ACE: variants seen among roughly 807,000 people sequenced by gnomAD.
ACE encodes angiotensin-converting enzyme.
Under a neutral mutation model 162.3 loss-of-function variants are expected in ACE, and 122 were observed. That is an observed-to-expected ratio of 0.75 (90% CI 0.65 to 0.87). The LOEUF is 0.87. Among genes scored for constraint, ACE ranks in the 40% least tolerant of loss-of-function variants. The pLI is 0.00. For missense variants in ACE, 1,799 were observed against 1,735.1 expected (o/e 1.04, Z -0.65); for synonymous variants, 796 against 720.6 (o/e 1.10, Z -1.68).
intron 6 of ACE, 92 bp downstream of exon 6, chr17:63,481,280 C>A (rs538460713): frequency 1.6e-6 from 2 of 1,238,064 alleles, no homozygotes; most frequent in Admixed American, 1.9e-5. Flanking sequence ...GGGAAGGTTT[C>A]GGGTACTGAG....
rs1238903566 is a variant in ACE at position 63,477,182 on chromosome 17, T to C, written c.88T>C (p.Leu30=). 6 of 1,467,102 alleles carry C rather than the reference T, an allele frequency of 4.1e-6. No individual in the cohort carries two copies. The highest frequency in any genetic ancestry group is 6.0e-5 in the East Asian group (2 of 33,102). The allele number at this position is 1,467,102 out of a possible 1,614,324, so 90.9% of individuals were successfully genotyped here. A position where few individuals can be genotyped will look rare whatever the true frequency, so the allele number is the denominator to read the frequency against. The change falls in exon 1 of 25, where the codon TTG becomes CTG. Residue 30 remains leucine (L), a synonymous_variant. Coordinates refer to ENST00000290866, the MANE Select transcript of ACE (RefSeq NM_000789.4). ...GCTGCCGCCGCAGCCCGCCCTGGCG[T>C]TGGACCCCGGGCTGCAGCCCGGCAA... The part of the protein sequence containing the change: ...LLLPPQPALA[L]DPGLQPGNFS...
In ACE at chr17:63,485,000, G is replaced by T. The variant is rs780642247; in HGVS notation, c.1922-236G>T. On this transcript the variant is annotated intron_variant, in intron 12 of 24. Transcript: ENST00000290866. This position sits in a 1 kb window ranked among gnomAD's most constrained non-coding sequence, Gnocchi z 4.0. ...AGTCACCCATGGGACAAGCAGCCAG[G>T]CAACAACCAGCAGCCAGACAACCAC... The T allele has an allele frequency of 6.2e-7, 1 of 1,610,282 alleles. No individual in the cohort carries two copies. The highest frequency in any genetic ancestry group is 1.7e-5 in the Admixed American group (1 of 59,456).
intron 13 of ACE, chr17:63,486,355 G>T (rs1261342168): frequency 3.2e-6 from 2 of 630,614 alleles, no homozygotes; most frequent in African/African-American, 1.8e-5. Flanking sequence ...TTGCTTGACC[G>T]CAGGCATCCA....
intron 6 of ACE, 81 bp downstream of exon 6, chr17:63,481,269 C>A: frequency 7.4e-7 from 1 of 1,355,148 alleles, no homozygotes; most frequent in Non-Finnish European, 1.0e-6. Context: ...GGCACAGGGG[C>A]GGGAAGGTTT....
chr17:63,495,826 G>A (rs2030694046), intron 22 of ACE, among the ~76,000 whole-genome samples: 1 of 152,218 alleles, frequency 6.6e-6, no homozygotes, highest in Admixed American at 6.5e-5. Flanking sequence ...GGAACTAGGT[G>A]GTACATGCTT....
Position 63,477,323 on chromosome 17 carries a change from G to A in ACE, c.229G>A (p.Ala77Thr), listed in dbSNP as rs867626302. ...ASWAHDTNIT[A>T]ENARRQEEAA... ...CTGGGCGCACGACACCAACATCACC[G>A]CGGAGAATGCAAGGCGCCAGGTGGG... The change falls in exon 1 of 25, where the codon GCG becomes ACG. Residue 77 changes from alanine to threonine, a missense_variant. Transcript: ENST00000290866. 9 of 1,375,336 alleles carry A rather than the reference G, an allele frequency of 6.5e-6. No individual in the cohort carries two copies. Among genetic ancestry groups the A allele is most frequent in the African/African-American group, 6.0e-5 (4 of 66,458 alleles). 85.2% of individuals were successfully genotyped at this position (1,375,336 alleles called of 1,614,324 possible).
rs1383290084 is a variant in ACE at position 63,484,562 on chromosome 17, G to A, written c.1921+21G>A. On this transcript the variant is annotated intron_variant, in intron 12 of 24. Transcript: ENST00000290866. This position sits in a 1 kb window ranked among gnomAD's most constrained non-coding sequence, Gnocchi z 4.0. The stretch of plus-strand genomic sequence containing the variant: ...CATAGGTAAAGCCCTGAGTGAGGAT[G>A]GTGTGGGGCTAAGGTGGGTCCTCAA... 5 of 1,602,614 alleles carry A rather than the reference G, an allele frequency of 3.1e-6. No individual in the cohort carries two copies. Among genetic ancestry groups the A allele is most frequent in the South Asian group, 1.1e-5 (1 of 89,454 alleles).
chr17:63,482,161 G>T (rs2049720266), intron 7 of ACE, among the ~76,000 whole-genome samples: 1 of 152,002 alleles, frequency 6.6e-6, no homozygotes, highest in Non-Finnish European at 1.5e-5. Flanking sequence ...ATTAGCCAGG[G>T]GTGATGGCGG....
At chr17:63,482,716 C>T (rs749790605) in intron 8 of ACE, 27 bp downstream of exon 8, 1 of 1,605,738 alleles carries the variant, frequency 6.2e-7, no homozygotes, top group South Asian at 1.1e-5. Context: ...AGGCCCCCAC[C>T]CAGCCTCACC....
Position 63,483,639 on chromosome 17 carries a change from A to C in ACE, c.1586+81A>C, listed in dbSNP as rs144117363. 1,887 of 1,365,780 alleles carry C rather than the reference A, an allele frequency of 1.4e-3. 23 individuals are homozygous for C. The African/African-American group carries it at 0.028, about 20-fold the overall frequency. 84.6% of individuals were successfully genotyped at this position (1,365,780 alleles called of 1,614,324 possible). ...CTCCTCCTGTGATCCTAGCTGCCTC[A>C]TCCCCAGGGCTTGTCCCCATGCTCC... On this transcript the variant is annotated intron_variant, in intron 10 of 24. Coordinates refer to ENST00000290866, the MANE Select transcript of ACE (RefSeq NM_000789.4).
intron 23 of ACE, 27 bp from the exon 24 acceptor site, chr17:63,496,771 C>CTGCCTCCCTGTCTCA: frequency 6.2e-7 from 1 of 1,609,560 alleles, no homozygotes; most frequent in Non-Finnish European, 8.5e-7. Context: ...CCTTCTGACT[C>CTGCCTCCCTGTCTCA]TGCCTCCCTG....
rs909530339 is a variant in ACE, at chr17:63,496,175, G to A, written c.3381-219G>A. 2.0e-5 allele frequency: 12 copies of A among 610,970 alleles called. No individual in the cohort carries two copies. In the East Asian group the frequency reaches 3.3e-4, roughly 17 times the overall value. 37.8% of individuals were successfully genotyped at this position (610,970 alleles called of 1,614,324 possible). Reference sequence around the variant, plus strand: ...GTGGAGGCAGCTCTGTGGGTGGGAGGCATCTACACAGGCACGGCTAGGAAG... The same window carrying A: ...GTGGAGGCAGCTCTGTGGGTGGGAGACATCTACACAGGCACGGCTAGGAAG... On this transcript the variant is annotated intron_variant, in intron 22 of 24. Coordinates refer to ENST00000290866, the MANE Select transcript of ACE (RefSeq NM_000789.4).
At chr17:63,487,168 C>A in intron 15 of ACE, 95 bp downstream of exon 15, 1 of 1,057,382 alleles carries the variant, frequency 9.5e-7, no homozygotes. Flanking sequence ...GGGTTCCCCT[C>A]GCTCTTGGGG....
Position 63,494,405 on chromosome 17 carries a change from C to A in ACE, c.3315C>A (p.Pro1105=), listed in dbSNP as rs1339023151. ...LKYQGLCPPV[P]RTQGDFDPGA... Reference sequence around the variant, plus strand: ...ACCAGGGCCTCTGCCCCCCAGTGCCCAGGACTCAAGGTGACTTTGACCCAG... The same window carrying A: ...ACCAGGGCCTCTGCCCCCCAGTGCCAAGGACTCAAGGTGACTTTGACCCAG... Residue 1105 remains proline, a synonymous_variant, in exon 22 of 25, where the codon CCC becomes CCA. Coordinates refer to ENST00000290866, the MANE Select transcript of ACE (RefSeq NM_000789.4). The A allele has an allele frequency of 6.2e-7, 1 of 1,614,158 alleles. No individual in the cohort carries two copies. The highest frequency in any genetic ancestry group is 2.2e-5 in the East Asian group (1 of 44,880).
At chr17:63,487,359 G>A (rs1377874513) in intron 15 of ACE, among the ~76,000 whole-genome samples, 1 of 152,064 alleles carries the variant, frequency 6.6e-6, no homozygotes, top group Non-Finnish European at 1.5e-5. Context: ...AGAGCAGCGG[G>A]ATCTCAAAGT....
intron 15 of ACE, among the ~76,000 whole-genome samples, chr17:63,488,282 C>T (rs1186052912): frequency 6.7e-6 from 1 of 150,118 alleles, no homozygotes. Context: ...TTGCTTGAGC[C>T]TGGGAGGTCA....
intron 16 of ACE, 65 bp from the exon 17 acceptor site, chr17:63,488,876 A>C: frequency 6.2e-7 from 1 of 1,613,704 alleles, no homozygotes; most frequent in African/African-American, 1.3e-5. Flanking sequence ...GCCTAGGAAA[A>C]GGTAGATCCC....
At chr17:63,480,111 C>T (rs1442986476) in intron 4 of ACE, among the ~76,000 whole-genome samples, 199 bp downstream of exon 4, 1 of 152,234 alleles carries the variant, frequency 6.6e-6, no homozygotes, top group East Asian at 1.9e-4. Flanking sequence ...CGTGGCCATC[C>T]TGCTGTCACT....
intron 12 of ACE, 101 bp from the exon 13 acceptor site, chr17:63,485,135 G>A (rs1184417327): frequency 6.3e-7 from 1 of 1,584,480 alleles, no homozygotes; most frequent in Non-Finnish European, 8.6e-7. Flanking sequence ...GGACAGGGCA[G>A]GGTACAAGGG....
Sources: allele counts gnomAD v4.1 joint callset (sites outside exome capture counted in the v4.1 genomes callset), GRCh38; gene constraint gnomAD v4.1.1; non-coding constraint Gnocchi (gnomAD v3.1); transcripts MANE v1.5; gene names NCBI Gene and HGNC (gene_info 2026-07-23, HGNC 2026-07-21).